Variants in STAU2 observed in about 807,000 individuals in gnomAD.
STAU2 encodes staufen double-stranded RNA binding protein 2, also known as double-stranded RNA-binding protein Staufen homolog 2.
In STAU2, 20 loss-of-function variants were observed where a neutral mutation model predicts 65.9. The ratio of observed to expected loss-of-function variants is 0.30; its 90% CI spans 0.21 to 0.44. The LOEUF is 0.44. Ranked by LOEUF, STAU2 falls within the 20% of genes least tolerant of loss-of-function variation. STAU2 has a pLI of 1.00. For synonymous variants in STAU2, 232 were observed against 233.9 expected (o/e 0.99, Z 0.07); for missense variants, 558 against 683.9 (o/e 0.82, Z 2.05).
intron 9 of STAU2, among the ~76,000 whole-genome samples, chr8:73,608,292 A>C (rs1428134348): frequency 6.6e-6 from 1 of 152,104 alleles, no homozygotes. Context: ...GGGATGGAAA[A>C]AAAGGAACCA....
intron 11 of STAU2, among the ~76,000 whole-genome samples, chr8:73,585,760 T>C (rs1440833893): frequency 6.6e-6 from 1 of 152,194 alleles, no homozygotes; most frequent in Non-Finnish European, 1.5e-5. Flanking sequence ...AAGGAGATGA[T>C]ATGGTTTGGC....
intron 13 of STAU2, among the ~76,000 whole-genome samples, chr8:73,439,408 G>A (rs1473609019): frequency 6.6e-6 from 1 of 152,218 alleles, no homozygotes; most frequent in Non-Finnish European, 1.5e-5. Flanking sequence ...CTTGAGGTGA[G>A]GAGTTCGAGA....
At chr8:73,457,539 T>C (rs1365288819) in intron 13 of STAU2, among the ~76,000 whole-genome samples, 1 of 152,210 alleles carries the variant, frequency 6.6e-6, no homozygotes, top group Non-Finnish European at 1.5e-5. Flanking sequence ...CTAAGAGATT[T>C]GGTACAAAAA....
chr8:73,669,605 C>T (rs1414538500), intron 6 of STAU2, among the ~76,000 whole-genome samples: 3 of 151,426 alleles, frequency 2.0e-5, no homozygotes, highest in Admixed American at 6.6e-5. Flanking sequence ...ACTTCTACTG[C>T]GGGGAGTACT....
intron 4 of STAU2, among the ~76,000 whole-genome samples, chr8:73,695,139 G>T (rs1181520982): frequency 6.6e-6 from 1 of 152,138 alleles, no homozygotes; most frequent in East Asian, 1.9e-4. Context: ...AATGGCTAAG[G>T]GAGTGCTTAT....
At chr8:73,449,560 T>C (rs1335914554) in intron 13 of STAU2, among the ~76,000 whole-genome samples, 2 of 152,190 alleles carry the variant, frequency 1.3e-5, no homozygotes, top group Non-Finnish European at 2.9e-5. Flanking sequence ...AACAAGGCTT[T>C]TGTGTCATTT....
intron 13 of STAU2, among the ~76,000 whole-genome samples, chr8:73,529,328 C>T (rs940539378): frequency 5.3e-5 from 8 of 152,128 alleles, no homozygotes; most frequent in African/African-American, 1.9e-4. Flanking sequence ...AAAATAATAG[C>T]AACAGTTCAC....
intron 6 of STAU2, among the ~76,000 whole-genome samples, chr8:73,623,331 A>C (rs957337141): frequency 3.3e-5 from 5 of 152,116 alleles, no homozygotes; most frequent in African/African-American, 9.7e-5. Flanking sequence ...CACTTTCCTG[A>C]GTATCATTTT....
Position 73,421,127 on chromosome 8 carries a change from T to C in STAU2, c.*245A>G. The C allele has an allele frequency of 2.5e-6, 1 of 400,790 alleles. No individual in the cohort carries two copies. The allele number at this position is 400,790 out of a possible 1,614,324, so 24.8% of individuals were successfully genotyped here. ...TTTAAGCTCCAGTAGCAGGATCAGA[T>C]TTCTGCTGCCTCTAGGCAAATGAGT... On this transcript the variant is annotated 3_prime_UTR_variant, in exon 15 of 15. Transcript: ENST00000524300.
chr8:73,573,054 T>C (rs998432663), intron 12 of STAU2, among the ~76,000 whole-genome samples: 1 of 152,234 alleles, frequency 6.6e-6, no homozygotes, highest in African/African-American at 2.4e-5. Context: ...TTCAGCAATG[T>C]CTCAGGATAC....
At chr8:73,609,640 G>A (rs931700152) in intron 9 of STAU2, among the ~76,000 whole-genome samples, 8 of 152,164 alleles carry the variant, frequency 5.3e-5, no homozygotes, top group East Asian at 3.9e-4. Context: ...GCAACAGAGC[G>A]AGACCCTGTC....
intron 13 of STAU2, among the ~76,000 whole-genome samples, chr8:73,456,820 A>G (rs1051769688): frequency 6.6e-6 from 1 of 152,214 alleles, no homozygotes; most frequent in Non-Finnish European, 1.5e-5. Flanking sequence ...TTAAACAAGG[A>G]AACAGTACAG....
At chr8:73,672,829 G>A (rs1014265840) in intron 6 of STAU2, among the ~76,000 whole-genome samples, 3 of 150,826 alleles carry the variant, frequency 2.0e-5, no homozygotes, top group African/African-American at 7.3e-5. Flanking sequence ...GGTCTTCCCT[G>A]CAACAAATAC....
Position 73,421,375 on chromosome 8 carries a change from G to C in STAU2, c.1710C>G (p.Val570=). Residue 570 remains valine (V), a synonymous_variant, in exon 15 of 15, where the codon GTC becomes GTG. Coordinates refer to ENST00000524300, the MANE Select transcript of STAU2 (RefSeq NM_001164380.2). The stretch of plus-strand genomic sequence containing the variant: ...CAGCCGCGGGTTCTGGGAGCTGCTA[G>C]ACGGCCGAGTTTGATTTCTTGCAGT... ...AQDCKKSNSA[V] The C allele has an allele frequency of 1.3e-6, 2 of 1,537,288 alleles. No homozygotes were observed. The highest frequency in any genetic ancestry group is 1.7e-6 in the Non-Finnish European group (2 of 1,146,922).
intron 12 of STAU2, among the ~76,000 whole-genome samples, chr8:73,576,155 C>T (rs1428208869): frequency 6.6e-6 from 1 of 152,054 alleles, no homozygotes; most frequent in Non-Finnish European, 1.5e-5. Flanking sequence ...CTCCCAGAAA[C>T]TCTTATACAT....
At chr8:73,465,463 G>A (rs1023159990) in intron 13 of STAU2, among the ~76,000 whole-genome samples, 7 of 152,114 alleles carry the variant, frequency 4.6e-5, no homozygotes, top group African/African-American at 1.2e-4. Context: ...AATGCCTCAC[G>A]TATTACTGTA....
chr8:73,476,549 T>C lies in STAU2; in HGVS notation c.1531-53847A>G, dbSNP rs1820335784. On this transcript the variant is annotated intron_variant, in intron 13 of 14. Transcript: ENST00000524300. ...TATGACCCTTATCAGATTAAAAATA[T>C]ATGTTTCCTTGATCACAGCTGTATA... is the stretch of plus-strand genomic sequence containing the variant. 2.6e-5 allele frequency among the ~76,000 whole-genome samples: 4 copies of C among 152,222 alleles called. No homozygotes were observed. In the South Asian group the frequency reaches 8.3e-4, roughly 31 times the overall value.
In STAU2 at chr8:73,651,703, C is replaced by T. The variant is rs1278033648; in HGVS notation, c.410+21404G>A. 2.1e-4 allele frequency: 97 copies of T among 462,974 alleles called. 2 individuals are homozygous for T. Among genetic ancestry groups the T allele is most frequent in the South Asian group, 1.9e-3 (96 of 50,376 alleles). The allele number at this position is 462,974 out of a possible 1,614,324, so 28.7% of individuals were successfully genotyped here. On this transcript the variant is annotated intron_variant, in intron 6 of 14. Coordinates refer to ENST00000524300, the MANE Select transcript of STAU2 (RefSeq NM_001164380.2). ...GCCTCTGGCGTACCACCCCCCAAAG[C>T]CCAGGAAGTGGCATGCATACGCTGG...
intron 6 of STAU2, among the ~76,000 whole-genome samples, chr8:73,619,083 C>G (rs1244663611): frequency 1.3e-5 from 2 of 151,902 alleles, no homozygotes; most frequent in Non-Finnish European, 2.9e-5. Flanking sequence ...GAAAGAGGTC[C>G]AAGATAGAAA....
Sources: allele counts gnomAD v4.1 joint callset (sites outside exome capture counted in the v4.1 genomes callset), GRCh38; gene constraint gnomAD v4.1.1; transcripts MANE v1.5; gene names NCBI Gene and HGNC (gene_info 2026-07-23, HGNC 2026-07-21).